The following PEX14 variants were observed in gnomAD, a reference collection of about 807,000 sequenced individuals.
PEX14 encodes peroxisomal membrane protein PEX14.
Under a neutral mutation model 49.5 loss-of-function variants are expected in PEX14, and 15 were observed. The ratio of observed to expected loss-of-function variants is 0.30; its 90% CI spans 0.20 to 0.47. The LOEUF is 0.47. Among genes scored for constraint, PEX14 ranks in the 20% least tolerant of loss-of-function variants. The pLI is 1.00. For synonymous variants in PEX14, 210 were observed against 212.7 expected (o/e 0.99, Z 0.11); for missense variants, 398 against 494.8 (o/e 0.80, Z 1.86).
Position 10,537,339 on chromosome 1 carries a change from G to GCAC in PEX14, c.169+1044_169+1046dup, listed in dbSNP as rs1553187423. On this transcript the variant is annotated intron_variant, in intron 3 of 8. Coordinates refer to ENST00000356607, the MANE Select transcript of PEX14 (RefSeq NM_004565.3). ...GCTGCTCACTGGCTGCATTGTGCCA[G>GCAC]CACCCCCCCCCCCCGCCATCATTAG... Among the ~76,000 whole-genome samples the GCAC allele has an allele frequency of 2.9e-3, 36 of 12,344 alleles. 7 individuals are homozygous for GCAC. The highest frequency in any genetic ancestry group is 4.3e-3 in the African/African-American group (26 of 6,094). The allele number at this position is 12,344 out of a possible 152,430, so 8.1% of individuals were successfully genotyped here.
intron 1 of PEX14, among the ~76,000 whole-genome samples, chr1:10,488,243 G>A (rs914333242): frequency 6.6e-5 from 10 of 151,728 alleles, no homozygotes; most frequent in Admixed American, 2.6e-4. Flanking sequence ...TACAACCTCC[G>A]CCTCCTGAAT....
At chr1:10,491,712 A>C (rs1641477740) in intron 1 of PEX14, among the ~76,000 whole-genome samples, 1 of 112,158 alleles carries the variant, frequency 8.9e-6, no homozygotes, top group Admixed American at 1.3e-4. Context: ...ACAGAGTCTC[A>C]CTCTGTCACC....
At chr1:10,541,047 T>G (rs1298553534) in intron 3 of PEX14, among the ~76,000 whole-genome samples, 2 of 152,224 alleles carry the variant, frequency 1.3e-5, no homozygotes, top group African/African-American at 2.4e-5. Context: ...TTCTGTTCGT[T>G]ATAGACGACC....
chr1:10,500,763 C>T (rs754425011), intron 2 of PEX14, among the ~76,000 whole-genome samples: 18 of 152,176 alleles, frequency 1.2e-4, no homozygotes, highest in South Asian at 8.3e-4. Flanking sequence ...TTAGCAAAGA[C>T]GGGGTTTTGC....
chr1:10,497,113 A>G (rs1249981778), intron 2 of PEX14, among the ~76,000 whole-genome samples: 1 of 152,138 alleles, frequency 6.6e-6, no homozygotes, highest in East Asian at 1.9e-4. Flanking sequence ...TTTTTATATT[A>G]AACTCCCACA....
chr1:10,520,452 C>T (rs2124453294), intron 2 of PEX14, among the ~76,000 whole-genome samples: 1 of 152,254 alleles, frequency 6.6e-6, no homozygotes, highest in South Asian at 2.1e-4. Flanking sequence ...ACCACCATGG[C>T]CGGCCCTGAA....
intron 2 of PEX14, among the ~76,000 whole-genome samples, chr1:10,498,711 T>C (rs1044453826): frequency 1.3e-5 from 2 of 152,214 alleles, no homozygotes; most frequent in Non-Finnish European, 2.9e-5. Flanking sequence ...GGGCTAGAGA[T>C]TGGTGAACAG....
intron 3 of PEX14, among the ~76,000 whole-genome samples, chr1:10,552,225 C>T (rs1196947665): frequency 1.3e-5 from 2 of 152,170 alleles, no homozygotes; most frequent in Admixed American, 1.3e-4. Context: ...GGGCAAATCA[C>T]GAGGTCAGGA....
At chr1:10,586,058 A>G (rs2124578957) in intron 3 of PEX14, among the ~76,000 whole-genome samples, 1 of 152,324 alleles carries the variant, frequency 6.6e-6, no homozygotes, top group East Asian at 1.9e-4. Flanking sequence ...GACTAGACAA[A>G]TCTATCATAA....
rs1407476771 is a variant in PEX14 at position 10,494,318 on chromosome 1, C to CTGCA, written c.37-955_37-952dup. 6.6e-6 allele frequency among the ~76,000 whole-genome samples: 1 copy of CTGCA among 152,238 alleles called. No individual in the cohort carries two copies. Among genetic ancestry groups the CTGCA allele is most frequent in the African/African-American group, 2.4e-5 (1 of 41,462 alleles). On this transcript the variant is annotated intron_variant, in intron 1 of 8. Transcript: ENST00000356607. This position sits in a 1 kb window ranked among gnomAD's most constrained non-coding sequence, Gnocchi z 4.3. ...TCTGTAATAGCCGGGAGAATGGAGG[C>CTGCA]TGCAGGCTGTCTCCTGGGACACACA... is the stretch of plus-strand genomic sequence containing the variant.
At chr1:10,504,001 T>G (rs1327714237) in intron 2 of PEX14, among the ~76,000 whole-genome samples, 1 of 152,222 alleles carries the variant, frequency 6.6e-6, no homozygotes, top group Non-Finnish European at 1.5e-5. Flanking sequence ...CCCAAAGTGC[T>G]GGGATTACAG....
chr1:10,580,315 C>T (rs796615674), intron 3 of PEX14, among the ~76,000 whole-genome samples: 7 of 152,214 alleles, frequency 4.6e-5, no homozygotes, highest in African/African-American at 1.7e-4. Context: ...ACTTCTGCCT[C>T]CCAGGTTCAA....
intron 1 of PEX14, among the ~76,000 whole-genome samples, chr1:10,493,580 A>T (rs1475094497): frequency 1.3e-5 from 2 of 152,038 alleles, no homozygotes; most frequent in Non-Finnish European, 2.9e-5. Context: ...AGCGCACACC[A>T]CCACACCTGG....
At chr1:10,493,054 G>T (rs1362861669) in intron 1 of PEX14, among the ~76,000 whole-genome samples, 4 of 152,162 alleles carry the variant, frequency 2.6e-5, no homozygotes, top group African/African-American at 9.7e-5. Flanking sequence ...ATGTGCAAAG[G>T]CGCAGTGACA....
intron 2 of PEX14, among the ~76,000 whole-genome samples, chr1:10,497,202 G>C (rs894782839): frequency 6.6e-6 from 1 of 152,172 alleles, no homozygotes; most frequent in Non-Finnish European, 1.5e-5. Context: ...GCTGAGTCGC[G>C]TGGTCTTGTG....
At chr1:10,515,364 A>C (rs1259128340) in intron 2 of PEX14, among the ~76,000 whole-genome samples, 1 of 152,164 alleles carries the variant, frequency 6.6e-6, no homozygotes, top group Non-Finnish European at 1.5e-5. Context: ...ATGTAAATAC[A>C]TTAATGCATT....
Position 10,618,299 on chromosome 1 carries a change from G to A in PEX14, c.299-33G>A, listed in dbSNP as rs529794233. 2.7e-5 allele frequency: 42 copies of A among 1,580,960 alleles called. No homozygotes were observed. In the East Asian group the frequency reaches 2.9e-4, roughly 11 times the overall value. On this transcript the variant is annotated intron_variant, in intron 4 of 8. Transcript: ENST00000356607. Reference sequence around the variant, plus strand: ...CCACCCGAAGAAGGACGCCATGTGCGTCTTCTAACCCTCCTCCTCTTCCCG... The same window carrying A: ...CCACCCGAAGAAGGACGCCATGTGCATCTTCTAACCCTCCTCCTCTTCCCG...
At chr1:10,499,115 G>A (rs182645838) in intron 2 of PEX14, among the ~76,000 whole-genome samples, 1 of 152,286 alleles carries the variant, frequency 6.6e-6, no homozygotes, top group African/African-American at 2.4e-5. Context: ...CTGAAACTTG[G>A]GTTAAATAAA....
intron 7 of PEX14, 138 bp downstream of exon 7, chr1:10,624,575 C>A: frequency 1.4e-6 from 1 of 695,670 alleles, no homozygotes; most frequent in Non-Finnish European, 2.7e-6. Flanking sequence ...CAGCCGTGGC[C>A]GATGCTGCCC....
Sources: allele counts gnomAD v4.1 joint callset (sites outside exome capture counted in the v4.1 genomes callset), GRCh38; gene constraint gnomAD v4.1.1; non-coding constraint Gnocchi (gnomAD v3.1); transcripts MANE v1.5; gene names NCBI Gene and HGNC (gene_info 2026-07-23, HGNC 2026-07-21).